The following RAD51B variants were observed in gnomAD, a reference collection of about 807,000 sequenced individuals.
RAD51B encodes DNA repair protein RAD51 homolog 2.
Under a neutral mutation model 42.2 loss-of-function variants are expected in RAD51B, and 38 were observed. That is an observed-to-expected ratio of 0.90 (90% CI 0.70 to 1.18). The LOEUF (loss-of-function observed/expected upper bound fraction) is 1.18. Ranked by LOEUF, RAD51B falls within the 50% of genes most tolerant of loss-of-function variation. The pLI, the probability that RAD51B is intolerant of heterozygous loss-of-function variation, is 0.00. For missense variants in RAD51B, 373 were observed against 400.7 expected (o/e 0.93, Z 0.59); for synonymous variants, 154 against 145.2 (o/e 1.06, Z -0.43).
Position 68,142,333 on chromosome 14 carries a change from A to G in RAD51B, c.757-149551A>G, listed in dbSNP as rs1363296356. ...AGAGTTAGACTCTTTTAAGCCCTTT[A>G]AGGGTTACGTATTTCTGAGTATGTG... is the stretch of plus-strand genomic sequence containing the variant. On this transcript the variant is annotated intron_variant, in intron 7 of 10. Transcript: ENST00000471583. Among the ~76,000 whole-genome samples, 3 of 152,310 alleles carry G rather than the reference A, an allele frequency of 2.0e-5. No individual in the cohort carries two copies. The East Asian group carries it at 5.8e-4, about 29-fold the overall frequency.
intron 11 of RAD51B, among the ~76,000 whole-genome samples, chr14:68,677,850 T>C (rs1893344300): frequency 6.6e-6 from 1 of 152,192 alleles, no homozygotes; most frequent in African/African-American, 2.4e-5. Context: ...CATTGCAGGC[T>C]GATAAGATGC....
intron 7 of RAD51B, among the ~76,000 whole-genome samples, chr14:68,249,409 C>G (rs1220902826): frequency 6.6e-6 from 1 of 152,128 alleles, no homozygotes; most frequent in East Asian, 1.9e-4. Context: ...AAAACCAAGT[C>G]TGAATGTATA....
At chr14:67,958,428 C>G (rs775996577) in intron 7 of RAD51B, among the ~76,000 whole-genome samples, 1 of 152,258 alleles carries the variant, frequency 6.6e-6, no homozygotes, top group Non-Finnish European at 1.5e-5. Context: ...CAAAGAGGCA[C>G]TCTCTTGAAA....
At chr14:68,399,548 A>C (rs1029324794) in intron 8 of RAD51B, among the ~76,000 whole-genome samples, 4 of 152,114 alleles carry the variant, frequency 2.6e-5, no homozygotes, top group Non-Finnish European at 5.9e-5. Context: ...TGAGCCACCA[A>C]GCCCAGCTCT....
At chr14:68,664,913 T>C (rs1893002407) in intron 11 of RAD51B, among the ~76,000 whole-genome samples, 1 of 152,186 alleles carries the variant, frequency 6.6e-6, no homozygotes, top group Admixed American at 6.5e-5. Flanking sequence ...ACTCCTCTTC[T>C]CAGCCTCTTC....
chr14:68,282,713 A>G (rs1036322821), intron 7 of RAD51B, among the ~76,000 whole-genome samples: 6 of 152,318 alleles, frequency 3.9e-5, no homozygotes, highest in African/African-American at 1.2e-4. Context: ...ATACATAGTG[A>G]GTGGCCTTTG....
At chr14:68,651,340 T>C (rs1892694521) in intron 11 of RAD51B, among the ~76,000 whole-genome samples, 1 of 152,066 alleles carries the variant, frequency 6.6e-6, no homozygotes, top group African/African-American at 2.4e-5. Flanking sequence ...GCCTGCTAAT[T>C]TTTGTATTTT....
chr14:68,137,790 C>T (rs147364690), intron 7 of RAD51B, among the ~76,000 whole-genome samples: 14 of 152,356 alleles, frequency 9.2e-5, no homozygotes, highest in Non-Finnish European at 1.9e-4. Flanking sequence ...GCATGACTGA[C>T]TGGCATTCCC....
chr14:68,244,840 G>A (rs2141009249), intron 7 of RAD51B, among the ~76,000 whole-genome samples: 1 of 152,268 alleles, frequency 6.6e-6, no homozygotes, highest in East Asian at 1.9e-4. Context: ...GGGTAGTCTT[G>A]TACATGGATT....
At chr14:68,262,387 C>T (rs1377226879) in intron 7 of RAD51B, among the ~76,000 whole-genome samples, 1 of 152,184 alleles carries the variant, frequency 6.6e-6, no homozygotes, top group Non-Finnish European at 1.5e-5. Context: ...TTCCCTTCCC[C>T]TCTTCTCACC....
intron 10 of RAD51B, among the ~76,000 whole-genome samples, chr14:68,634,091 T>G (rs1268982173): frequency 6.6e-6 from 1 of 152,118 alleles, no homozygotes; most frequent in African/African-American, 2.4e-5. Flanking sequence ...GCCTCTTGAG[T>G]TGGACTCCTG....
At chr14:68,484,363 T>TTC (rs1555417128) in intron 10 of RAD51B, among the ~76,000 whole-genome samples, 3 of 148,874 alleles carry the variant, frequency 2.0e-5, no homozygotes, top group Non-Finnish European at 4.5e-5. Context: ...CTTTTTCTTT[T>TTC]TTTTTTTTTT....
At chr14:68,282,376 G>A (rs752596026) in intron 7 of RAD51B, among the ~76,000 whole-genome samples, 42 of 152,328 alleles carry the variant, frequency 2.8e-4, no homozygotes, top group Non-Finnish European at 4.1e-4. Context: ...GGGCATCACC[G>A]TGGGAGGAAG....
intron 7 of RAD51B, among the ~76,000 whole-genome samples, chr14:67,937,112 T>A (rs2044982807): frequency 6.6e-6 from 1 of 151,896 alleles, no homozygotes; most frequent in African/African-American, 2.4e-5. Context: ...TGAAATAAAG[T>A]AGTTTAGAAG....
intron 10 of RAD51B, among the ~76,000 whole-genome samples, chr14:68,556,500 G>C (rs1181750792): frequency 1.3e-5 from 2 of 152,218 alleles, no homozygotes; most frequent in African/African-American, 4.8e-5. Context: ...ACCCCTGGGG[G>C]ATGGGGAGAG....
intron 7 of RAD51B, among the ~76,000 whole-genome samples, chr14:68,186,618 T>TTA (rs2079162400): frequency 6.6e-6 from 1 of 152,156 alleles, no homozygotes; most frequent in African/African-American, 2.4e-5. Context: ...GAAAAAATAC[T>TTA]TATTATCACT....
chr14:68,598,418 A>C (rs1891088657), downstream of RAD51B, among the ~76,000 whole-genome samples: 1 of 152,256 alleles, frequency 6.6e-6, no homozygotes, highest in South Asian at 2.1e-4. Flanking sequence ...AAATCACAGT[A>C]TAACCATTGT....
intron 4 of RAD51B, among the ~76,000 whole-genome samples, chr14:67,844,422 G>A (rs2041537540): frequency 1.3e-5 from 2 of 151,640 alleles, no homozygotes; most frequent in South Asian, 4.2e-4. Context: ...CTGTCTTAAT[G>A]ATCTGTCTTA....
rs1022709504 is a variant in RAD51B at position 68,608,622 on chromosome 14, G to A, written c.1037-2384G>A. On this transcript the variant is annotated intron_variant, in intron 10 of 10. Transcript: ENST00000487861. Reference sequence around the variant, plus strand: ...GGGCCATGGGTCAGTAGCTGAAGGAGCCACCTTTCATGCCCTCCCCTCACC... The same window carrying A: ...GGGCCATGGGTCAGTAGCTGAAGGAACCACCTTTCATGCCCTCCCCTCACC... Among the ~76,000 whole-genome samples, 7 of 152,170 alleles carry A rather than the reference G, an allele frequency of 4.6e-5. No homozygotes were observed. In the East Asian group the frequency reaches 5.8e-4, roughly 13 times the overall value.
Sources: allele counts gnomAD v4.1 joint callset (sites outside exome capture counted in the v4.1 genomes callset), GRCh38; gene constraint gnomAD v4.1.1; transcripts MANE v1.5; gene names NCBI Gene and HGNC (gene_info 2026-07-23, HGNC 2026-07-21).